Variants in CCSER1 observed in about 807,000 individuals in gnomAD.
CCSER1 encodes coiled-coil serine rich protein 1.
In CCSER1, 41 loss-of-function variants were observed where a neutral mutation model predicts 82.0. The ratio of observed to expected loss-of-function variants is 0.50; its 90% CI spans 0.39 to 0.65. The LOEUF (loss-of-function observed/expected upper bound fraction) is 0.65, where lower values mean the gene tolerates loss of function less well. Among genes scored for constraint, CCSER1 ranks in the 30% least tolerant of loss-of-function variants. The probability of loss-of-function intolerance (pLI) is 0.00; values close to 1 mark genes in which losing one functional copy is unlikely to be tolerated. For synonymous variants in CCSER1, 414 were observed against 383.9 expected, an observed-to-expected ratio of 1.08 and a Z score of -0.92; for missense variants, 1,119 against 1,064.2, an observed-to-expected ratio of 1.05 and a Z score of -0.72.
At chr4:91,403,997 T>C (rs904761901) in intron 10 of CCSER1, among the ~76,000 whole-genome samples, 4 of 152,170 alleles carry the variant, frequency 2.6e-5, no homozygotes, top group Non-Finnish European at 5.9e-5. Flanking sequence ...GTACCTCTGG[T>C]AGAATTTTGC....
Position 90,973,532 on chromosome 4 carries a change from G to A in CCSER1, c.2172+50085G>A, listed in dbSNP as rs554684497. ...CATGACAGGTGTTGAAGAAGTTGTA[G>A]AGAAAAAGCAACCCTTGTACAGTTG... On this transcript the variant is annotated intron_variant, in intron 9 of 10. Transcript: ENST00000509176. Among the ~76,000 whole-genome samples the A allele has an allele frequency of 1.9e-3, 285 of 151,734 alleles. 1 individual carries two copies. Among genetic ancestry groups the A allele is most frequent in the South Asian group, 0.012 (58 of 4,828 alleles).
At chr4:91,311,318 A>G (rs999021821) in intron 10 of CCSER1, among the ~76,000 whole-genome samples, 1 of 151,950 alleles carries the variant, frequency 6.6e-6, no homozygotes, top group Admixed American at 6.6e-5. Context: ...ATCTGCATTT[A>G]GTTATTCCTA....
Position 91,231,957 on chromosome 4 carries a change from C to G in CCSER1, c.2217+145963C>G, listed in dbSNP as rs184245589. 2.0e-5 allele frequency among the ~76,000 whole-genome samples: 3 copies of G among 151,858 alleles called. No individual in the cohort carries two copies. In the East Asian group the frequency reaches 5.8e-4, roughly 29 times the overall value. Reference sequence around the variant, plus strand: ...GGGACTGTTGAATTTAGAGCAAAAACATTTGGGACTTTACAAATAGATCTA... The same window carrying G: ...GGGACTGTTGAATTTAGAGCAAAAAGATTTGGGACTTTACAAATAGATCTA... On this transcript the variant is annotated intron_variant, in intron 10 of 10. Coordinates refer to ENST00000509176, the MANE Select transcript of CCSER1 (RefSeq NM_001145065.2).
intron 9 of CCSER1, among the ~76,000 whole-genome samples, chr4:90,935,613 G>T (rs1339568348): frequency 6.6e-6 from 1 of 152,124 alleles, no homozygotes; most frequent in African/African-American, 2.4e-5. Context: ...TAAAGGGAAT[G>T]GTTTCCCAAC....
Position 90,344,426 on chromosome 4 carries a change from C to CT in CCSER1, c.1509+31388dup, listed in dbSNP as rs1311993326. Among the ~76,000 whole-genome samples, 42 of 151,560 alleles carry CT rather than the reference C, an allele frequency of 2.8e-4. No individual in the cohort carries two copies. In the East Asian group the frequency reaches 2.9e-3, roughly 10 times the overall value. On this transcript the variant is annotated intron_variant, in intron 3 of 10. Coordinates refer to ENST00000509176, the MANE Select transcript of CCSER1 (RefSeq NM_001145065.2). Reference sequence around the variant, plus strand: ...CACTTACTTGAATCTGTTTGTGTAACTTTTTTTTTGACTGGTTTCTCAGTA... The same window carrying CT: ...CACTTACTTGAATCTGTTTGTGTAACTTTTTTTTTTGACTGGTTTCTCAGTA...
chr4:90,317,935 G>A (rs961365538), intron 3 of CCSER1, among the ~76,000 whole-genome samples: 2 of 152,194 alleles, frequency 1.3e-5, no homozygotes, highest in African/African-American at 4.8e-5. Flanking sequence ...AACAAAAGCA[G>A]CCAAGAATAA....
intron 4 of CCSER1, among the ~76,000 whole-genome samples, chr4:90,438,722 A>G (rs1053153218): frequency 6.6e-6 from 1 of 152,196 alleles, no homozygotes; most frequent in Non-Finnish European, 1.5e-5. Flanking sequence ...CATCCTTGAC[A>G]TTAATCAAAA....
At chr4:90,427,180 T>C (rs917386962) in intron 4 of CCSER1, among the ~76,000 whole-genome samples, 17 of 152,022 alleles carry the variant, frequency 1.1e-4, no homozygotes, top group Non-Finnish European at 2.5e-4. Context: ...TTTTCCTAGC[T>C]CAGTCACTTA....
At chr4:90,515,351 C>G (rs1772123303) in intron 5 of CCSER1, among the ~76,000 whole-genome samples, 1 of 152,132 alleles carries the variant, frequency 6.6e-6, no homozygotes, top group Non-Finnish European at 1.5e-5. Context: ...TGTGATGGTT[C>G]ACAAGTTTTA....
intron 10 of CCSER1, among the ~76,000 whole-genome samples, chr4:91,316,093 T>C (rs908001296): frequency 6.6e-6 from 1 of 152,010 alleles, no homozygotes; most frequent in Admixed American, 6.6e-5. Flanking sequence ...CCTGCCGCCA[T>C]GTAGGACGTA....
rs70963067 is a variant in CCSER1 at position 90,448,444 on chromosome 4, AATATATATAT to A, written c.1604-19758_1604-19749del. 1.2e-3 allele frequency among the ~76,000 whole-genome samples: 52 copies of A among 44,100 alleles called. 1 individual carries two copies. Among genetic ancestry groups the A allele is most frequent in the East Asian group, 5.6e-3 (5 of 892 alleles). The allele number at this position is 44,100 out of a possible 152,430, so 28.9% of individuals were successfully genotyped here. A position where few individuals can be genotyped will look rare whatever the true frequency, so the allele number is the denominator to read the frequency against. On this transcript the variant is annotated intron_variant, in intron 4 of 10. Coordinates refer to ENST00000509176, the MANE Select transcript of CCSER1 (RefSeq NM_001145065.2). ...GCTTTTTTTTTCTCTAGGTGAATTG[AATATATATAT>A]ATATATATATATATATATATATATA...
chr4:90,904,936 G>A (rs1264581175), intron 8 of CCSER1, among the ~76,000 whole-genome samples: 1 of 151,992 alleles, frequency 6.6e-6, no homozygotes, highest in African/African-American at 2.4e-5. Context: ...AATTGAACCT[G>A]CTTCTCCTGA....
chr4:90,599,074 C>G (rs145592169), intron 5 of CCSER1, among the ~76,000 whole-genome samples: 1 of 152,106 alleles, frequency 6.6e-6, no homozygotes, highest in Non-Finnish European at 1.5e-5. Flanking sequence ...TAGAGTAGTA[C>G]AGCCATGTGA....
chr4:90,517,281 T>A (rs1772420429), intron 5 of CCSER1, among the ~76,000 whole-genome samples: 3 of 152,214 alleles, frequency 2.0e-5, no homozygotes, highest in Non-Finnish European at 4.4e-5. Flanking sequence ...TTGTTTTTGC[T>A]TTATATTATA....
chr4:91,011,217 C>A (rs1474374111), intron 9 of CCSER1, among the ~76,000 whole-genome samples: 1 of 134,110 alleles, frequency 7.5e-6, no homozygotes, highest in African/African-American at 2.5e-5. Flanking sequence ...GCCTCTGTGG[C>A]CTAGGTTGTA....
chr4:90,269,061 G>A (rs959286423), intron 1 of CCSER1, among the ~76,000 whole-genome samples: 6 of 152,074 alleles, frequency 3.9e-5, no homozygotes, highest in Admixed American at 3.9e-4. Flanking sequence ...AGATGTTAGA[G>A]CTAAAGAGAG....
At chr4:90,455,122 C>T (rs568903937) in intron 4 of CCSER1, among the ~76,000 whole-genome samples, 16 of 152,298 alleles carry the variant, frequency 1.1e-4, no homozygotes, top group Non-Finnish European at 1.2e-4. Flanking sequence ...GGCAAAGGTC[C>T]GAACTTCCCT....
chr4:91,280,567 C>CT (rs1742839638), intron 10 of CCSER1, among the ~76,000 whole-genome samples: 1 of 152,130 alleles, frequency 6.6e-6, no homozygotes, highest in Admixed American at 6.6e-5. Flanking sequence ...TGGTGAAATG[C>CT]TTGGGTGGGG....
At chr4:90,772,600 G>A (rs1203286483) in intron 7 of CCSER1, among the ~76,000 whole-genome samples, 2 of 152,086 alleles carry the variant, frequency 1.3e-5, no homozygotes, top group African/African-American at 4.8e-5. Flanking sequence ...ATGTTTCCAT[G>A]CATGGGCTTA....
Sources: gnomAD v4.1 joint callset for allele counts (sites outside exome capture counted in the v4.1 genomes callset) on GRCh38, gnomAD v4.1.1 for gene constraint, MANE v1.5 for transcripts, NCBI Gene and HGNC (gene_info 2026-07-23, HGNC 2026-07-21) for gene names.